SNX30: variants seen among roughly 807,000 people sequenced by gnomAD.
SNX30 encodes sorting nexin family member 30.
A neutral mutation model predicts 46.4 loss-of-function variants in SNX30; 24 were observed. The observed-to-expected ratio is 0.52, with a 90% CI of 0.37 to 0.73. SNX30 has a LOEUF of 0.73. Among genes scored for constraint, SNX30 ranks in the 30% least tolerant of loss-of-function variants. The pLI is 0.00. For missense variants in SNX30, 533 were observed against 555.7 expected (o/e 0.96, Z 0.41); for synonymous variants, 189 against 211.5 (o/e 0.89, Z 0.92).
intron 2 of SNX30, 121 bp from the exon 3 acceptor site, chr9:112,817,584 T>C (rs1172085349): frequency 1.6e-6 from 1 of 639,410 alleles, no homozygotes; most frequent in Non-Finnish European, 2.8e-6. Flanking sequence ...TTGGCTGTTG[T>C]GTTTGGTGGA....
At chr9:112,820,160 T>C (rs552227419) in intron 3 of SNX30, among the ~76,000 whole-genome samples, 2 of 152,322 alleles carry the variant, frequency 1.3e-5, no homozygotes, top group South Asian at 4.1e-4. Context: ...CAGAATATCT[T>C]TAAGTGTGGT....
Position 112,824,298 on chromosome 9 carries a change from A to T in SNX30, c.460-6427A>T, listed in dbSNP as rs1840548370. ...CAGTATTTCAAGATTAAACCCTGAA[A>T]TATTTAATGGATTATTGTAATACTT... On this transcript the variant is annotated intron_variant, in intron 3 of 8. Transcript: ENST00000374232. Among the ~76,000 whole-genome samples the T allele has an allele frequency of 2.7e-5, 4 of 150,330 alleles. No individual in the cohort carries two copies. The South Asian group carries it at 8.6e-4, about 32-fold the overall frequency.
At chr9:112,779,112 G>C (rs372360939) in intron 1 of SNX30, among the ~76,000 whole-genome samples, 1 of 152,376 alleles carries the variant, frequency 6.6e-6, no homozygotes, top group Middle Eastern at 3.4e-3. Flanking sequence ...CTGCTGGCAC[G>C]TGTGATGTGA....
intron 1 of SNX30, among the ~76,000 whole-genome samples, chr9:112,764,599 G>A (rs1218700968): frequency 2.0e-5 from 3 of 152,122 alleles, no homozygotes; most frequent in Non-Finnish European, 2.9e-5. Context: ...CGTGTTTGGG[G>A]TTAGAGTCAC....
chr9:112,876,251 C>G (rs569652096), downstream of SNX30, among the ~76,000 whole-genome samples: 80 of 151,808 alleles, frequency 5.3e-4, no homozygotes, highest in African/African-American at 1.7e-3. Flanking sequence ...GAGAATGGAC[C>G]GGAGATGACT....
intron 1 of SNX30, among the ~76,000 whole-genome samples, chr9:112,770,720 G>C (rs113728776): frequency 1.8e-4 from 28 of 152,128 alleles, no homozygotes. Flanking sequence ...GCCCCTGGCC[G>C]GGCGCGGTGG....
chr9:112,828,539 C>G (rs1384130079), intron 3 of SNX30, among the ~76,000 whole-genome samples: 1 of 152,128 alleles, frequency 6.6e-6, no homozygotes, highest in African/African-American at 2.4e-5. Flanking sequence ...GCTCAACGAA[C>G]AGTACATGGT....
intron 1 of SNX30, among the ~76,000 whole-genome samples, chr9:112,791,439 C>T (rs1049386934): frequency 3.2e-5 from 3 of 93,860 alleles, no homozygotes; most frequent in African/African-American, 1.3e-4. Context: ...GAGACGGAGC[C>T]TTGCTCTGTC....
At chr9:112,884,074 G>T (rs1320519584), downstream of SNX30, among the ~76,000 whole-genome samples, 2 of 152,202 alleles carry the variant, frequency 1.3e-5, no homozygotes, top group Non-Finnish European at 2.9e-5. Flanking sequence ...TTGTAGATAA[G>T]CAGAACCTCA....
At chr9:112,789,868 A>G (rs1310403891) in intron 1 of SNX30, among the ~76,000 whole-genome samples, 1 of 152,246 alleles carries the variant, frequency 6.6e-6, no homozygotes, top group African/African-American at 2.4e-5. Context: ...TATGAAAAAC[A>G]TTTTCAGTTT....
chr9:112,867,714 C>T (rs1256133323), intron 8 of SNX30, among the ~76,000 whole-genome samples: 2 of 151,166 alleles, frequency 1.3e-5, no homozygotes, highest in Non-Finnish European at 3.0e-5. Flanking sequence ...TCACACCTCT[C>T]CCACCCCCTC....
downstream of SNX30, among the ~76,000 whole-genome samples, chr9:112,882,520 G>C (rs529325146): frequency 1.3e-5 from 2 of 152,340 alleles, no homozygotes; most frequent in South Asian, 4.1e-4. Context: ...CTGCTGGAGA[G>C]AGGATGGGAG....
intron 4 of SNX30, among the ~76,000 whole-genome samples, chr9:112,831,523 A>T (rs920931319): frequency 3.3e-5 from 5 of 152,192 alleles, no homozygotes; most frequent in Admixed American, 2.0e-4. Flanking sequence ...TTGAGTGATT[A>T]CTTGCAGCTG....
At chr9:112,882,396 T>G (rs146951196), downstream of SNX30, among the ~76,000 whole-genome samples, 20 of 152,252 alleles carry the variant, frequency 1.3e-4, no homozygotes, top group East Asian at 3.9e-3. Context: ...TGTGAGCCAC[T>G]GCACCCAGCC....
At chr9:112,774,063 G>C (rs1839698092) in intron 1 of SNX30, among the ~76,000 whole-genome samples, 1 of 152,138 alleles carries the variant, frequency 6.6e-6, no homozygotes, top group South Asian at 2.1e-4. Context: ...GAGAGAAACT[G>C]GACTTAGGAA....
At chr9:112,862,322 C>T (rs887448010) in intron 7 of SNX30, among the ~76,000 whole-genome samples, 3 of 152,176 alleles carry the variant, frequency 2.0e-5, no homozygotes, top group Admixed American at 6.5e-5. Flanking sequence ...GCAGAAGTTT[C>T]GTTAAGCAAA....
At chr9:112,833,093 C>T (rs1031255051) in intron 4 of SNX30, among the ~76,000 whole-genome samples, 1 of 151,906 alleles carries the variant, frequency 6.6e-6, no homozygotes, top group African/African-American at 2.4e-5. Flanking sequence ...TCTAAGTGTA[C>T]AGTTCAGTAG....
At chr9:112,782,839 A>G (rs1057019642) in intron 1 of SNX30, among the ~76,000 whole-genome samples, 1 of 152,264 alleles carries the variant, frequency 6.6e-6, no homozygotes, top group African/African-American at 2.4e-5. Context: ...GCCCCTGCAC[A>G]ATGCTGTCTG....
rs1440038607 is a variant in SNX30, at chr9:112,751,056, G to A, written c.55G>A (p.Asp19Asn). Reference sequence around the variant, plus strand: ...GTCCACGGGGCCCCACTCCCTGCGCGACATGCCGCACCCGCTGGCCGGCTC... The same window carrying A: ...GTCCACGGGGCCCCACTCCCTGCGCAACATGCCGCACCCGCTGGCCGGCTC... ...LPSTGPHSLR[D>N]MPHPLAGSSS... Residue 19 changes from aspartate to asparagine, a missense_variant, in exon 1 of 9, where the codon GAC (aspartate) becomes AAC (asparagine). Coordinates refer to ENST00000374232, the MANE Select transcript of SNX30 (RefSeq NM_001012994.2). 1 of 1,493,162 alleles carries A rather than the reference G, an allele frequency of 6.7e-7. No individual in the cohort carries two copies. The highest frequency in any genetic ancestry group is 2.2e-5 in the Admixed American group (1 of 46,124). 92.5% of individuals were successfully genotyped at this position (1,493,162 alleles called of 1,614,324 possible).
Sources: allele counts gnomAD v4.1 joint callset (sites outside exome capture counted in the v4.1 genomes callset), GRCh38; gene constraint gnomAD v4.1.1; transcripts MANE v1.5; gene names NCBI Gene and HGNC (gene_info 2026-07-23, HGNC 2026-07-21).